ZFYVE28: variants seen among roughly 807,000 people sequenced by gnomAD.
The protein encoded by ZFYVE28 is lateral signaling target protein 2 homolog.
ZFYVE28 carries 40 observed loss-of-function variants against 82.1 expected under a neutral mutation model. That is an observed-to-expected ratio of 0.49 (90% CI 0.38 to 0.63). The LOEUF is 0.63. ZFYVE28 is among the 30% of genes least tolerant of loss of function. The pLI is 0.00. For synonymous variants in ZFYVE28, 612 were observed against 546.1 expected (o/e 1.12, Z -1.68); for missense variants, 1,321 against 1,242.1 (o/e 1.06, Z -0.96).
At chr4:2,306,171 G>A (rs1457320195) in intron 7 of ZFYVE28, among the ~76,000 whole-genome samples, 8 of 152,386 alleles carry the variant, frequency 5.2e-5, no homozygotes, top group East Asian at 3.9e-4. Flanking sequence ...CATTGAGGCC[G>A]AGACCCAAAG....
At chr4:2,319,489 G>A (rs759181173) in intron 7 of ZFYVE28, among the ~76,000 whole-genome samples, 2 of 152,108 alleles carry the variant, frequency 1.3e-5, no homozygotes, top group African/African-American at 4.8e-5. Context: ...TAGGCTTCTG[G>A]GTCCCCGAAG....
At chr4:2,298,090 G>A (rs1349903587) in intron 8 of ZFYVE28, among the ~76,000 whole-genome samples, 3 of 137,656 alleles carry the variant, frequency 2.2e-5, no homozygotes, top group Admixed American at 1.5e-4. Flanking sequence ...GAGGACGAGT[G>A]GTGACAGTGG....
chr4:2,361,783 T>C (rs1726198320), intron 1 of ZFYVE28, among the ~76,000 whole-genome samples: 1 of 152,124 alleles, frequency 6.6e-6, no homozygotes. Context: ...TGGATCCCTT[T>C]CACACTCTTG....
intron 1 of ZFYVE28, among the ~76,000 whole-genome samples, chr4:2,360,222 C>T (rs1725931463): frequency 6.6e-6 from 1 of 151,884 alleles, no homozygotes; most frequent in Non-Finnish European, 1.5e-5. Flanking sequence ...CAACACTCAC[C>T]ACACCCCGCC....
chr4:2,416,013 G>C lies in ZFYVE28; in HGVS notation c.39+2272C>G, dbSNP rs1732999629. 1.3e-5 allele frequency among the ~76,000 whole-genome samples: 2 copies of C among 152,114 alleles called. No homozygotes were observed. The highest frequency in any genetic ancestry group is 4.8e-5 in the African/African-American group (2 of 41,406). ...ACAGCATGCCAGGAGAAGACAACGA[G>C]AAAAAGGAGAGATCCACATCAATCC... On this transcript the variant is annotated intron_variant, in intron 1 of 12. Transcript: ENST00000290974. This position sits in a 1 kb window ranked among gnomAD's most constrained non-coding sequence, Gnocchi z 4.6.
chr4:2,326,614 A>G (rs1719880713), intron 6 of ZFYVE28, among the ~76,000 whole-genome samples: 1 of 152,202 alleles, frequency 6.6e-6, no homozygotes, highest in African/African-American at 2.4e-5. Context: ...TACATTAAAC[A>G]TGTAGATTTA....
intron 1 of ZFYVE28, among the ~76,000 whole-genome samples, chr4:2,412,003 G>A (rs933799821): frequency 3.3e-5 from 5 of 152,214 alleles, no homozygotes; most frequent in African/African-American, 1.2e-4. Context: ...CATAGAGGAG[G>A]CAGGTGCTCA....
intron 1 of ZFYVE28, among the ~76,000 whole-genome samples, chr4:2,381,219 A>C (rs935698223): frequency 6.6e-6 from 1 of 152,216 alleles, no homozygotes; most frequent in African/African-American, 2.4e-5. Context: ...AGAGACTGGC[A>C]GCATTTTGCC....
intron 5 of ZFYVE28, 133 bp downstream of exon 5, chr4:2,337,274 C>A: frequency 1.4e-6 from 1 of 714,230 alleles, no homozygotes; most frequent in Non-Finnish European, 2.3e-6. Flanking sequence ...TGGGAAGACA[C>A]GTCTGGTGCC....
intron 1 of ZFYVE28, among the ~76,000 whole-genome samples, chr4:2,375,982 T>C (rs1222059072): frequency 4.0e-5 from 6 of 151,878 alleles, no homozygotes; most frequent in Non-Finnish European, 7.4e-5. Context: ...CAAGTGATTC[T>C]CCTGCCTCAG....
At chr4:2,356,235 A>G (rs1248809450) in intron 1 of ZFYVE28, among the ~76,000 whole-genome samples, 1 of 152,120 alleles carries the variant, frequency 6.6e-6, no homozygotes, top group Non-Finnish European at 1.5e-5. Context: ...GGCTGCATGC[A>G]CCTGAGACCT....
rs1442160738 is a variant in ZFYVE28, at chr4:2,332,837, C to A, written c.701+2868G>T. 6.6e-6 allele frequency among the ~76,000 whole-genome samples: 1 copy of A among 152,080 alleles called. No individual in the cohort carries two copies. Among genetic ancestry groups the A allele is most frequent in the East Asian group, 1.9e-4 (1 of 5,184 alleles). ...CACCCGCCCTGCTCGAGGCTCGCTG[C>A]ACAGAGGGTTGCAGTGGCAGCCTGG... On this transcript the variant is annotated intron_variant, in intron 6 of 12. Coordinates refer to ENST00000290974, the MANE Select transcript of ZFYVE28 (RefSeq NM_020972.3). This position sits in a 1 kb window ranked among gnomAD's most constrained non-coding sequence, Gnocchi z 4.7.
chr4:2,336,442 C>G (rs768875360), intron 5 of ZFYVE28, among the ~76,000 whole-genome samples: 35 of 152,154 alleles, frequency 2.3e-4, no homozygotes, highest in Non-Finnish European at 4.4e-4. Context: ...CTTCCAAACA[C>G]CATAGTACCA....
At chr4:2,400,203 T>C (rs1165498841) in intron 1 of ZFYVE28, among the ~76,000 whole-genome samples, 2 of 152,258 alleles carry the variant, frequency 1.3e-5, no homozygotes, top group Non-Finnish European at 2.9e-5. Context: ...TTAATTCATC[T>C]ACATGAAAGG....
chr4:2,313,374 C>T (rs1042945303), intron 7 of ZFYVE28, among the ~76,000 whole-genome samples: 2 of 152,060 alleles, frequency 1.3e-5, no homozygotes, highest in Non-Finnish European at 2.9e-5. Flanking sequence ...CATCCTCCTA[C>T]CTCAGCCTCC....
At chr4:2,275,178 A>G (rs1736299278) in intron 8 of ZFYVE28, among the ~76,000 whole-genome samples, 1 of 151,926 alleles carries the variant, frequency 6.6e-6, no homozygotes, top group South Asian at 2.1e-4. Context: ...AGGCTGAGGG[A>G]CCCTCCGTGC....
chr4:2,356,540 A>G (rs1051682416), intron 1 of ZFYVE28, among the ~76,000 whole-genome samples: 1 of 152,052 alleles, frequency 6.6e-6, no homozygotes, highest in Non-Finnish European at 1.5e-5. Flanking sequence ...CCACCCTCTC[A>G]GCACCACTGC....
chr4:2,386,934 T>C (rs1288117953), intron 1 of ZFYVE28, among the ~76,000 whole-genome samples: 2 of 152,196 alleles, frequency 1.3e-5, no homozygotes, highest in Non-Finnish European at 2.9e-5. Context: ...TCCAGTCTTG[T>C]CTGGAAAGAA....
intron 1 of ZFYVE28, among the ~76,000 whole-genome samples, chr4:2,370,510 G>C (rs1727424090): frequency 6.6e-6 from 1 of 152,136 alleles, no homozygotes; most frequent in African/African-American, 2.4e-5. Flanking sequence ...CCCACATTCT[G>C]GGAGATCTCT....
Sources: gnomAD v4.1 joint callset for allele counts (sites outside exome capture counted in the v4.1 genomes callset) on GRCh38, gnomAD v4.1.1 for gene constraint, Gnocchi (gnomAD v3.1) non-coding constraint, MANE v1.5 for transcripts, NCBI Gene and HGNC (gene_info 2026-07-23, HGNC 2026-07-21) for gene names.